Variants in TECTB observed in about 807,000 individuals in gnomAD.
TECTB encodes the protein tectorin beta, also known as beta-tectorin.
TECTB carries 45 observed loss-of-function variants against 43.3 expected under a neutral mutation model. That is an observed-to-expected ratio of 1.04 (90% CI 0.82 to 1.33). The LOEUF is 1.33. Ranked by LOEUF, TECTB falls within the 40% of genes most tolerant of loss-of-function variation. TECTB has a pLI of 0.00. For synonymous variants in TECTB, 169 were observed against 156.7 expected, an observed-to-expected ratio of 1.08 and a Z score of -0.59; for missense variants, 399 against 404.7, an observed-to-expected ratio of 0.99 and a Z score of 0.12.
At chr10:112,294,185 C>T (rs1848525873) in intron 7 of TECTB, 124 bp downstream of exon 7, 4 of 785,008 alleles carry the variant, frequency 5.1e-6, no homozygotes, top group African/African-American at 3.4e-5. Flanking sequence ...GCAGTGACAC[C>T]ATCTGTGGTT....
chr10:112,302,154 T>C (rs764953469), intron 10 of TECTB, 21 bp downstream of exon 10: 1 of 1,613,594 alleles, frequency 6.2e-7, no homozygotes, highest in Non-Finnish European at 8.5e-7. Flanking sequence ...GAGACACTTC[T>C]GGGATTTCGT....
chr10:112,286,586 C>G (rs1378072975), intron 5 of TECTB, among the ~76,000 whole-genome samples, 195 bp downstream of exon 5: 1 of 152,178 alleles, frequency 6.6e-6, no homozygotes, highest in Non-Finnish European at 1.5e-5. Context: ...GATTCATAGA[C>G]TGGATAGAAG....
chr10:112,296,026 C>G (rs1457489257), intron 7 of TECTB, among the ~76,000 whole-genome samples: 2 of 152,200 alleles, frequency 1.3e-5, no homozygotes, highest in African/African-American at 4.8e-5. Context: ...CATCCCGACC[C>G]ATTTCTACAT....
intron 9 of TECTB, among the ~76,000 whole-genome samples, chr10:112,300,230 TAA>T (rs140076890): frequency 1.8e-5 from 1 of 55,024 alleles, no homozygotes; most frequent in Non-Finnish European, 3.5e-5. Flanking sequence ...CAGAAAGAAA[TAA>T]AGAAAGAAAG....
chr10:112,296,742 C>T (rs914825356), intron 7 of TECTB, among the ~76,000 whole-genome samples: 2 of 152,154 alleles, frequency 1.3e-5, no homozygotes, highest in Non-Finnish European at 2.9e-5. Flanking sequence ...CTGCCTTTAG[C>T]TTGGCCCCCC....
At chr10:112,291,823 G>GT in intron 5 of TECTB, among the ~76,000 whole-genome samples, 1 of 152,298 alleles carries the variant, frequency 6.6e-6, no homozygotes, top group East Asian at 1.9e-4. Flanking sequence ...CCCTTCCATG[G>GT]TAATGCTTTT....
At chr10:112,298,476 C>T (rs150899275) in intron 8 of TECTB, among the ~76,000 whole-genome samples, 2 of 152,350 alleles carry the variant, frequency 1.3e-5, no homozygotes, top group African/African-American at 4.8e-5. Flanking sequence ...CCTGCTTTCT[C>T]ATCCTTAAGC....
chr10:112,297,013 T>C (rs1191119179), intron 7 of TECTB, among the ~76,000 whole-genome samples: 24 of 152,176 alleles, frequency 1.6e-4, no homozygotes, highest in Admixed American at 1.6e-3. Context: ...TGTGGGCTTC[T>C]CTGTACAGTC....
intron 5 of TECTB, among the ~76,000 whole-genome samples, chr10:112,288,356 T>G (rs1257208027): frequency 6.6e-6 from 1 of 151,882 alleles, no homozygotes; most frequent in East Asian, 1.9e-4. Flanking sequence ...ATAATAATAA[T>G]AAGAGACATG....
chr10:112,286,211 G>C lies in TECTB; in HGVS notation c.408G>C (p.Gln136His), dbSNP rs1396714703. ...TGGTGAACCAGGCTGCCTTTGACCAGAGGTAAGTTGCTGTGCGGCATGGAG... is the reference window on the plus strand; with the variant it reads ...TGGTGAACCAGGCTGCCTTTGACCACAGGTAAGTTGCTGTGCGGCATGGAG... ...TYLVNQAAFD[Q>H]RVATVHVKNG... is the part of the protein sequence containing the mutation. The change falls in exon 4 of 11, where the codon CAG (glutamine) becomes CAC (histidine). Residue 136 changes from glutamine (Q) to histidine (H), a missense_variant and splice_region_variant. By Grantham distance (24) the Gln-to-His change is conservative. Coordinates refer to ENST00000646139, the MANE Select transcript of TECTB (RefSeq NM_058222.3). 1 of 1,614,066 alleles carries C rather than the reference G, an allele frequency of 6.2e-7. No homozygotes were observed. The highest frequency in any genetic ancestry group is 1.3e-5 in the African/African-American group (1 of 74,926).
Position 112,299,530 on chromosome 10 carries a change from C to CG in TECTB, c.878dup (p.Val294SerfsTer18), listed in dbSNP as rs1848577946. ...GGAAGCGCCTCCTGCGAGACCAGAC[C>CG]GGGGGAGTCCTGGTCGTGGAGCTCT... is the stretch of plus-strand genomic sequence containing the variant. On this transcript the variant is annotated frameshift_variant, in exon 9 of 11. Transcript: ENST00000646139. LOFTEE classifies it high-confidence loss of function. 6.2e-7 allele frequency: 1 copy of CG among 1,614,048 alleles called. No individual in the cohort carries two copies. The highest frequency in any genetic ancestry group is 1.3e-5 in the African/African-American group (1 of 74,922).
intron 10 of TECTB, 137 bp downstream of exon 10, chr10:112,302,270 G>T: frequency 9.8e-7 from 1 of 1,023,058 alleles, no homozygotes. Flanking sequence ...CACCTGAGTG[G>T]CGCAGAGGGG....
At chr10:112,301,239 TC>T in intron 9 of TECTB, among the ~76,000 whole-genome samples, 1 of 152,124 alleles carries the variant, frequency 6.6e-6, no homozygotes, top group Non-Finnish European at 1.5e-5. Flanking sequence ...CCTGGCCCTG[TC>T]CCTACTAGAA....
intron 7 of TECTB, among the ~76,000 whole-genome samples, chr10:112,295,347 A>T (rs1040368974): frequency 6.6e-6 from 1 of 152,246 alleles, no homozygotes; most frequent in Non-Finnish European, 1.5e-5. Context: ...TGTTTTACAA[A>T]TATTAATTTA....
intron 5 of TECTB, among the ~76,000 whole-genome samples, chr10:112,291,039 G>A (rs1298156794): frequency 6.6e-6 from 1 of 152,080 alleles, no homozygotes; most frequent in African/African-American, 2.4e-5. Context: ...TGCAGGATGT[G>A]CAAGTTTGTT....
intron 5 of TECTB, among the ~76,000 whole-genome samples, chr10:112,291,903 G>C (rs192237796): frequency 0.012 from 1,841 of 152,236 alleles, 36 homozygotes; most frequent in African/African-American, 0.042. Context: ...TTGGGAGGCC[G>C]AGGCGGGCAG....
At chr10:112,285,467 G>C (rs1354239287) in intron 3 of TECTB, among the ~76,000 whole-genome samples, 3 of 152,182 alleles carry the variant, frequency 2.0e-5, no homozygotes, top group Non-Finnish European at 4.4e-5. Context: ...GTGATTTAAT[G>C]GGAAGAGTCA....
intron 5 of TECTB, among the ~76,000 whole-genome samples, chr10:112,286,882 A>T (rs1232566519): frequency 1.3e-5 from 2 of 152,318 alleles, no homozygotes; most frequent in East Asian, 3.9e-4. Flanking sequence ...AGATCACACC[A>T]CTGCACTCCA....
At chr10:112,296,069 A>G (rs1000716964) in intron 7 of TECTB, among the ~76,000 whole-genome samples, 2 of 152,164 alleles carry the variant, frequency 1.3e-5, no homozygotes, top group South Asian at 4.1e-4. Context: ...TCAAAGTTGG[A>G]GATACATGCA....
Sources: allele counts gnomAD v4.1 joint callset (sites outside exome capture counted in the v4.1 genomes callset), GRCh38; gene constraint gnomAD v4.1.1; transcripts MANE v1.5; gene names NCBI Gene and HGNC (gene_info 2026-07-23, HGNC 2026-07-21).